CPEB1: variants seen among roughly 807,000 people sequenced by gnomAD.
The protein encoded by CPEB1 is cytoplasmic polyadenylation element binding protein 1.
CPEB1 carries 7 observed loss-of-function variants against 65.8 expected under a neutral mutation model. The ratio of observed to expected loss-of-function variants is 0.11; its 90% confidence interval spans 0.06 to 0.20. The LOEUF (loss-of-function observed/expected upper bound fraction) is 0.20, where lower values mean the gene tolerates loss of function less well. Ranked by LOEUF, CPEB1 falls within the 10% of genes least tolerant of loss-of-function variation. CPEB1 has a pLI of 1.00. For synonymous variants in CPEB1, 262 were observed against 260.0 expected (o/e 1.01, Z -0.08); for missense variants, 551 against 712.2 (o/e 0.77, Z 2.58).
At chr15:82,548,430 G>A (rs1478932175) in intron 10 of CPEB1, among the ~76,000 whole-genome samples, 3 of 152,174 alleles carry the variant, frequency 2.0e-5, no homozygotes, top group Admixed American at 6.5e-5. Context: ...ACATTTAGCT[G>A]GTAGCTACCA....
intron 9 of CPEB1, among the ~76,000 whole-genome samples, chr15:82,551,005 C>G (rs2036154349): frequency 6.6e-6 from 1 of 152,046 alleles, no homozygotes. Context: ...ATATGGCCAT[C>G]TCTGGTTGTG....
At chr15:82,600,342 AGAT>A (rs780760930) in intron 3 of CPEB1, among the ~76,000 whole-genome samples, 2 of 152,224 alleles carry the variant, frequency 1.3e-5, no homozygotes, top group Non-Finnish European at 2.9e-5. Flanking sequence ...TTTTCAAGGA[AGAT>A]AAAGATCATT....
At chr15:82,585,108 A>C (rs1260970254) in intron 3 of CPEB1, among the ~76,000 whole-genome samples, 3 of 152,096 alleles carry the variant, frequency 2.0e-5, no homozygotes, top group Non-Finnish European at 4.4e-5. Flanking sequence ...ACAAAACATT[A>C]AAAATAAGAG....
At chr15:82,546,866 G>A (rs1256993266) in intron 11 of CPEB1, among the ~76,000 whole-genome samples, 5 of 152,118 alleles carry the variant, frequency 3.3e-5, no homozygotes, top group African/African-American at 1.2e-4. Context: ...TGGAAAATAG[G>A]AAGTCAGGCT....
At chr15:82,614,430 C>T (rs1192680488) in intron 3 of CPEB1, among the ~76,000 whole-genome samples, 1 of 152,152 alleles carries the variant, frequency 6.6e-6, no homozygotes, top group African/African-American at 2.4e-5. Flanking sequence ...AAAAGTCCAT[C>T]AAACTAGTCC....
At chr15:82,617,936 T>C (rs1451245575) in intron 3 of CPEB1, among the ~76,000 whole-genome samples, 1 of 151,516 alleles carries the variant, frequency 6.6e-6, no homozygotes, top group Non-Finnish European at 1.5e-5. Context: ...GGTTTCACCG[T>C]TTTAGCCGGG....
At chr15:82,643,511 C>A (rs887028770) in intron 1 of CPEB1, among the ~76,000 whole-genome samples, 3 of 152,058 alleles carry the variant, frequency 2.0e-5, no homozygotes, top group African/African-American at 7.2e-5. Context: ...TGCCTATAGT[C>A]CCCACTACTT....
intron 3 of CPEB1, among the ~76,000 whole-genome samples, chr15:82,618,043 T>C (rs1275242011): frequency 6.6e-6 from 1 of 152,102 alleles, no homozygotes; most frequent in East Asian, 1.9e-4. Flanking sequence ...CTTTTGTAAC[T>C]TCTTTGTAAC....
chr15:82,622,877 G>T (rs926066661), intron 3 of CPEB1, among the ~76,000 whole-genome samples: 2 of 152,132 alleles, frequency 1.3e-5, no homozygotes, highest in Non-Finnish European at 2.9e-5. Context: ...CTCCTCCACG[G>T]ACGGGGACGG....
chr15:82,624,224 A>G (rs1053460970), intron 3 of CPEB1, among the ~76,000 whole-genome samples: 12 of 152,174 alleles, frequency 7.9e-5, no homozygotes, highest in Non-Finnish European at 1.5e-5. Flanking sequence ...CTGAATCACA[A>G]GTGGAAAGCA....
At chr15:82,600,237 G>C (rs12437576) in intron 3 of CPEB1, among the ~76,000 whole-genome samples, 10,681 of 152,186 alleles carry the variant, frequency 0.07, 607 homozygotes, top group African/African-American at 0.15. Flanking sequence ...ATTGAAGCCT[G>C]AACATGTTCA....
At chr15:82,585,630 C>G (rs971520211) in intron 3 of CPEB1, among the ~76,000 whole-genome samples, 1 of 152,300 alleles carries the variant, frequency 6.6e-6, no homozygotes, top group East Asian at 1.9e-4. Context: ...AAGCACTCAT[C>G]TCATTCAAAA....
At chr15:82,565,567 C>T (rs564965575) in intron 4 of CPEB1, among the ~76,000 whole-genome samples, 9 of 152,198 alleles carry the variant, frequency 5.9e-5, no homozygotes, top group Non-Finnish European at 1.2e-4. Flanking sequence ...ATGACAGGTC[C>T]CTTATAATGC....
intron 9 of CPEB1, among the ~76,000 whole-genome samples, chr15:82,550,248 T>C (rs1348757204): frequency 1.3e-5 from 2 of 152,264 alleles, no homozygotes; most frequent in East Asian, 3.9e-4. Flanking sequence ...ACCATGTCCT[T>C]TGCCTCTGAA....
intron 3 of CPEB1, among the ~76,000 whole-genome samples, chr15:82,601,615 T>C (rs551316070): frequency 7.2e-5 from 11 of 152,274 alleles, no homozygotes; most frequent in African/African-American, 2.6e-4. Flanking sequence ...TAAAAACCAA[T>C]ATCCCAACTA....
intron 1 of CPEB1, among the ~76,000 whole-genome samples, chr15:82,643,462 T>C (rs1455569699): frequency 6.6e-6 from 1 of 151,944 alleles, no homozygotes; most frequent in African/African-American, 2.4e-5. Flanking sequence ...AAACCCCATC[T>C]TAGTAAAAAT....
chr15:82,552,615 C>T lies in CPEB1; in HGVS notation c.1146G>A (p.Gly382=). 1.2e-6 allele frequency: 2 copies of T among 1,614,054 alleles called. No individual in the cohort carries two copies. The highest frequency in any genetic ancestry group is 1.7e-6 in the Non-Finnish European group (2 of 1,179,950). The change falls in exon 9 of 13, where the codon GGG becomes GGA. Residue 382 remains glycine (G), a splice_region_variant and synonymous_variant. Transcript: ENST00000684509. ...DGKHPRCPPK[G]YVYLVFELEK... is the part of the protein sequence containing the mutation. ...CTAGTTCGAAGACCAGATACACATA[C>T]CCTATTCCCAATGAGAGGAAAAATC...
chr15:82,574,789 G>C (rs1045665414), intron 3 of CPEB1, among the ~76,000 whole-genome samples: 1 of 143,128 alleles, frequency 7.0e-6, no homozygotes, highest in Non-Finnish European at 1.5e-5. Flanking sequence ...ACTCAACAGC[G>C]CTAAAAAGTG....
chr15:82,611,927 TAATGTTAAGA>T (rs2044194278), intron 3 of CPEB1, among the ~76,000 whole-genome samples: 2 of 151,668 alleles, frequency 1.3e-5, no homozygotes, highest in African/African-American at 4.8e-5. Context: ...AAAGCAAACG[TAATGTTAAGA>T]AATACTGGAA....
Sources: allele counts gnomAD v4.1 joint callset (sites outside exome capture counted in the v4.1 genomes callset), GRCh38; gene constraint gnomAD v4.1.1; transcripts MANE v1.5; gene names NCBI Gene and HGNC (gene_info 2026-07-23, HGNC 2026-07-21).